The following TTC7A variants were observed in gnomAD, a reference collection of about 807,000 sequenced individuals.
The protein encoded by TTC7A is tetratricopeptide repeat protein 7A.
A neutral mutation model predicts 103.7 loss-of-function variants in TTC7A; 110 were observed. The observed-to-expected ratio is 1.06, with a 90% CI of 0.91 to 1.24. The LOEUF (loss-of-function observed/expected upper bound fraction) is 1.24. TTC7A is among the 50% of genes most tolerant of loss of function. TTC7A has a pLI of 0.00. For missense variants in TTC7A, 1,340 were observed against 1,116.3 expected (o/e 1.20, Z -2.86); for synonymous variants, 521 against 467.9 (o/e 1.11, Z -1.47).
intron 11 of TTC7A, among the ~76,000 whole-genome samples, chr2:47,018,350 A>G (rs988789196): frequency 3.9e-5 from 6 of 151,976 alleles, no homozygotes; most frequent in Non-Finnish European, 8.8e-5. Flanking sequence ...TTGGAGGCCA[A>G]TGCAGGTGGA....
At chr2:46,979,743 TCTC>T (rs554060021) in intron 5 of TTC7A, among the ~76,000 whole-genome samples, 12 of 152,258 alleles carry the variant, frequency 7.9e-5, no homozygotes, top group African/African-American at 2.9e-4. Flanking sequence ...GCTGGCAACA[TCTC>T]CACCAGTCTG....
At chr2:46,974,801 G>A (rs1673696520) in intron 3 of TTC7A, 172 bp from the exon 4 acceptor site, 2 of 868,144 alleles carry the variant, frequency 2.3e-6, no homozygotes, top group Non-Finnish European at 3.6e-6. Context: ...CCCAGCCACT[G>A]CTAACACCAC....
chr2:47,038,909 G>T (rs1301031141), intron 15 of TTC7A, among the ~76,000 whole-genome samples: 1 of 152,078 alleles, frequency 6.6e-6, no homozygotes, highest in Admixed American at 6.6e-5. Flanking sequence ...ATGAGAGCAG[G>T]CACCAAGGAT....
chr2:46,999,321 C>A lies in TTC7A; in HGVS notation c.1065+4122C>A, dbSNP rs140918328. 1.4e-3 allele frequency: 243 copies of A among 174,090 alleles called. 2 individuals are homozygous for A. The highest frequency in any genetic ancestry group is 8.3e-3 in the East Asian group (44 of 5,282). The allele number at this position is 174,090 out of a possible 1,614,324, so 10.8% of individuals were successfully genotyped here. A position where few individuals can be genotyped will look rare whatever the true frequency, so the allele number is the denominator to read the frequency against. On this transcript the variant is annotated intron_variant, in intron 8 of 19. Coordinates refer to ENST00000319190, the MANE Select transcript of TTC7A (RefSeq NM_020458.4). ...CCCTTTCCTCCATCCATCTACCCACCATTCATCTGTCCACCTATTCATCCA... is the reference window on the plus strand; with the variant it reads ...CCCTTTCCTCCATCCATCTACCCACAATTCATCTGTCCACCTATTCATCCA...
At chr2:46,925,772 C>A (rs186336864) in intron 2 of TTC7A, among the ~76,000 whole-genome samples, 1 of 152,062 alleles carries the variant, frequency 6.6e-6, no homozygotes, top group Non-Finnish European at 1.5e-5. Flanking sequence ...TGTTAACCCC[C>A]GTTGAAAGGG....
chr2:47,000,822 G>C (rs574373381), intron 8 of TTC7A, among the ~76,000 whole-genome samples: 2 of 152,304 alleles, frequency 1.3e-5, no homozygotes, highest in South Asian at 4.1e-4. Flanking sequence ...CCTTGGACTT[G>C]TTGCCCAGGG....
Position 47,035,361 on chromosome 2 carries a change from G to A in TTC7A, c.1802+5977G>A, listed in dbSNP as rs1303927935. ...CCCCTGAGGAAGACACCAGCCATGG[G>A]GGAACCTTGCAAGCCACGTGGCAGA... is the stretch of plus-strand genomic sequence containing the variant. On this transcript the variant is annotated intron_variant, in intron 15 of 19. Coordinates refer to ENST00000319190, the MANE Select transcript of TTC7A (RefSeq NM_020458.4). 2.6e-5 allele frequency: 4 copies of A among 152,222 alleles called. No homozygotes were observed. The East Asian group carries it at 7.7e-4, about 29-fold the overall frequency. 9.4% of individuals were successfully genotyped at this position (152,222 alleles called of 1,614,324 possible). A position where few individuals can be genotyped will look rare whatever the true frequency, so the allele number is the denominator to read the frequency against.
chr2:46,974,784 G>A (rs533452034), intron 3 of TTC7A, 189 bp from the exon 4 acceptor site: 19 of 736,276 alleles, frequency 2.6e-5, no homozygotes, highest in African/African-American at 1.4e-4. Flanking sequence ...CTGTCCCATC[G>A]CTTACTCCCA....
intron 2 of TTC7A, among the ~76,000 whole-genome samples, chr2:46,922,736 G>A (rs185947525): frequency 2.2e-4 from 33 of 152,244 alleles, no homozygotes; most frequent in African/African-American, 5.8e-4. Flanking sequence ...AATGTGGGGA[G>A]GGGCGGGGGG....
chr2:46,971,594 G>T (rs1673361812), intron 3 of TTC7A, among the ~76,000 whole-genome samples: 1 of 109,000 alleles, frequency 9.2e-6, no homozygotes, highest in Non-Finnish European at 2.0e-5. Context: ...GAGACTGGAG[G>T]CAGGGAGGCC....
intron 11 of TTC7A, among the ~76,000 whole-genome samples, chr2:47,019,345 C>T (rs1311344471): frequency 1.3e-5 from 2 of 151,376 alleles, no homozygotes; most frequent in African/African-American, 4.9e-5. Flanking sequence ...CCAGCCTGGG[C>T]AACATAGTGA....
chr2:46,974,898 C>T, intron 3 of TTC7A, 75 bp from the exon 4 acceptor site: 22 of 1,573,500 alleles, frequency 1.4e-5, no homozygotes, highest in Non-Finnish European at 1.8e-5. Context: ...ATGAGCCCAC[C>T]TTCGGCCCAT....
intron 11 of TTC7A, among the ~76,000 whole-genome samples, 198 bp from the exon 12 acceptor site, chr2:47,021,664 G>C (rs539188314): frequency 1.8e-4 from 28 of 152,346 alleles, no homozygotes; most frequent in African/African-American, 6.7e-4. Context: ...AAACTGGCCC[G>C]GTCTTGGGTT....
intron 11 of TTC7A, among the ~76,000 whole-genome samples, chr2:47,017,727 C>G (rs1678826122): frequency 6.6e-6 from 1 of 152,084 alleles, no homozygotes; most frequent in Non-Finnish European, 1.5e-5. Context: ...AGTCACTCCT[C>G]TGTGGCTAAG....
rs138148155 is a variant in TTC7A, at chr2:47,054,190, G to T, written c.2152+2310G>T. ...GTGTAGTATTAGGAGACCAGTTTGG[G>T]TGCATGTAGCAGATCCAAAATAGCA... On this transcript the variant is annotated intron_variant, in intron 18 of 19. Coordinates refer to ENST00000319190, the MANE Select transcript of TTC7A (RefSeq NM_020458.4). 495 of 985,190 alleles carry T rather than the reference G, an allele frequency of 5.0e-4. 1 individual carries two copies. The Middle Eastern group carries it at 5.7e-3, about 11-fold the overall frequency. The allele number at this position is 985,190 out of a possible 1,614,324, so 61.0% of individuals were successfully genotyped here.
intron 3 of TTC7A, among the ~76,000 whole-genome samples, chr2:46,958,108 C>G (rs748563421): frequency 4.6e-5 from 7 of 152,120 alleles, no homozygotes; most frequent in Non-Finnish European, 1.0e-4. Context: ...CCTGTCTCCC[C>G]TGGGTCCCAG....
At chr2:46,922,075 G>T (rs1558473023) in intron 2 of TTC7A, among the ~76,000 whole-genome samples, 1 of 152,184 alleles carries the variant, frequency 6.6e-6, no homozygotes, top group Non-Finnish European at 1.5e-5. Flanking sequence ...GAGGAAAGCT[G>T]ATTAGCTGGC....
At chr2:46,949,044 G>C (rs1029545395) in intron 1 of TTC7A, among the ~76,000 whole-genome samples, 1 of 152,146 alleles carries the variant, frequency 6.6e-6, no homozygotes, top group Non-Finnish European at 1.5e-5. Context: ...CCTCACCCCA[G>C]TTGCTGGGAG....
At chr2:47,040,316 G>C (rs1681597961) in intron 15 of TTC7A, 1 of 152,262 alleles carries the variant, frequency 6.6e-6, no homozygotes, top group Non-Finnish European at 1.5e-5. Flanking sequence ...CAAGCGCATG[G>C]GGTGTTTACA....
Sources: gnomAD v4.1 joint callset for allele counts (sites outside exome capture counted in the v4.1 genomes callset) on GRCh38, gnomAD v4.1.1 for gene constraint, MANE v1.5 for transcripts, NCBI Gene and HGNC (gene_info 2026-07-23, HGNC 2026-07-21) for gene names.